ZBTB20: variants seen among roughly 807,000 people sequenced by gnomAD.
The protein encoded by ZBTB20 is zinc finger and BTB domain-containing protein 20.
A neutral mutation model predicts 56.9 loss-of-function variants in ZBTB20; 9 were observed. The ratio of observed to expected loss-of-function variants is 0.16; its 90% CI spans 0.10 to 0.28. The LOEUF (loss-of-function observed/expected upper bound fraction) is 0.28. Among genes scored for constraint, ZBTB20 ranks in the 10% least tolerant of loss-of-function variants. The probability of loss-of-function intolerance (pLI) is 1.00; values close to 1 mark genes in which losing one functional copy is unlikely to be tolerated. For synonymous variants in ZBTB20, 417 were observed against 420.7 expected (o/e 0.99, Z 0.11); for missense variants, 655 against 1,003.0 (o/e 0.65, Z 4.69).
intron 6 of ZBTB20, among the ~76,000 whole-genome samples, chr3:114,641,574 T>C (rs2059563980): frequency 6.6e-6 from 1 of 151,816 alleles, no homozygotes; most frequent in African/African-American, 2.4e-5. Flanking sequence ...AAAGACTAGT[T>C]TGTAAGGCAG....
intron 4 of ZBTB20, among the ~76,000 whole-genome samples, chr3:114,859,146 A>C (rs1366453052): frequency 7.2e-5 from 1 of 13,958 alleles, no homozygotes; most frequent in Non-Finnish European, 2.8e-4. Context: ...ACATGACAAG[A>C]GAATTCTTCC....
At chr3:114,550,881 G>A (rs2050489687) in intron 6 of ZBTB20, among the ~76,000 whole-genome samples, 1 of 152,128 alleles carries the variant, frequency 6.6e-6, no homozygotes, top group Non-Finnish European at 1.5e-5. Flanking sequence ...GTCCCGAGTA[G>A]CTGTGATTAC....
intron 7 of ZBTB20, among the ~76,000 whole-genome samples, chr3:114,477,365 TAAAG>T (rs1390235263): frequency 6.6e-6 from 1 of 151,882 alleles, no homozygotes; most frequent in Non-Finnish European, 1.5e-5. Flanking sequence ...ACTTTATAGA[TAAAG>T]AAACTGATGC....
In ZBTB20 at chr3:114,339,246, T is replaced by C; in HGVS notation, c.1985A>G (p.Tyr662Cys). 6.2e-7 allele frequency: 1 copy of C among 1,614,190 alleles called. No individual in the cohort carries two copies. Among genetic ancestry groups the C allele is most frequent in the Non-Finnish European group, 8.5e-7 (1 of 1,180,024 alleles). Residue 662 changes from tyrosine (Y) to cysteine (C), a missense_variant, in exon 12 of 12, where the codon TAC (tyrosine) becomes TGC (cysteine). Tyr to Cys is a radical substitution (Grantham distance 194). This residue lies in a region of ZBTB20 where 15 missense variants were observed against 35.8 expected (regional missense o/e 0.42). Transcript: ENST00000675478. The surrounding 1 kb of genome is among the most constrained non-coding windows in gnomAD (Gnocchi z 4.2). ...HMRLHRGEKSYECYICKKKFS... is the reference protein window; with the variant it reads ...HMRLHRGEKSCECYICKKKFS... ...CTTCTTTTTGCAGATGTAGCACTCG[T>C]AGGACTTCTCTCCCCGGTGGAGGCG... is the stretch of plus-strand genomic sequence containing the variant.
chr3:114,481,644 G>GT (rs1262092783), intron 7 of ZBTB20, among the ~76,000 whole-genome samples: 2 of 152,154 alleles, frequency 1.3e-5, no homozygotes, highest in Non-Finnish European at 2.9e-5. Flanking sequence ...TAAATAATCT[G>GT]TTTCCTCTCT....
chr3:114,454,090 A>G (rs2091823018), intron 7 of ZBTB20, among the ~76,000 whole-genome samples: 1 of 149,940 alleles, frequency 6.7e-6, no homozygotes, highest in African/African-American at 2.5e-5. Context: ...GGAAAAAAAG[A>G]AGAGAGAGGG....
At chr3:114,366,673 C>T (rs946369285) in intron 10 of ZBTB20, 11 of 152,208 alleles carry the variant, frequency 7.2e-5, no homozygotes, top group African/African-American at 2.7e-4. Context: ...GTTCCATACC[C>T]ATGTGTCTCT....
At chr3:114,968,090 G>C (rs1468080119) in intron 3 of ZBTB20, among the ~76,000 whole-genome samples, 1 of 151,944 alleles carries the variant, frequency 6.6e-6, no homozygotes, top group Non-Finnish European at 1.5e-5. Context: ...AAACACATTT[G>C]AATATAGCAT....
intron 5 of ZBTB20, among the ~76,000 whole-genome samples, chr3:114,765,765 T>C (rs1371556170): frequency 2.0e-5 from 3 of 152,170 alleles, no homozygotes; most frequent in Non-Finnish European, 4.4e-5. Flanking sequence ...ATCAATATGC[T>C]TTTGCAGAAA....
intron 3 of ZBTB20, among the ~76,000 whole-genome samples, chr3:114,917,779 TAC>T (rs2075803023): frequency 6.7e-6 from 1 of 149,134 alleles, no homozygotes; most frequent in South Asian, 2.1e-4. Context: ...AGAGACATAA[TAC>T]AAGTTCCCCT....
chr3:114,929,754 A>G (rs984679672), intron 3 of ZBTB20, among the ~76,000 whole-genome samples: 1 of 152,224 alleles, frequency 6.6e-6, no homozygotes, highest in East Asian at 1.9e-4. Context: ...ATTGGGTGTC[A>G]CTGGTCTTCA....
At chr3:114,437,947 A>G (rs2090626436) in intron 7 of ZBTB20, among the ~76,000 whole-genome samples, 1 of 152,128 alleles carries the variant, frequency 6.6e-6, no homozygotes, top group Admixed American at 6.6e-5. Flanking sequence ...TCCAGGCCTT[A>G]CAATTCTGTA....
At position 114,988,014 on chromosome 3, in the gene ZBTB20, CTTCT is replaced by C. The variant is rs1292464334; in HGVS notation, c.-506-13602_-506-13599del. On this transcript the variant is annotated intron_variant, in intron 2 of 11. Transcript: ENST00000675478. ...TGCCATCTCATCTATTCCCTATCGT[CTTCT>C]TTTTTTTTCTTTTTTTGAAAGAAAC... is the stretch of plus-strand genomic sequence containing the variant. 5.3e-5 allele frequency among the ~76,000 whole-genome samples: 8 copies of C among 149,864 alleles called. No individual in the cohort carries two copies. In the South Asian group the frequency reaches 6.4e-4, roughly 12 times the overall value.
chr3:115,128,452 T>C (rs2084397777), intron 1 of ZBTB20, among the ~76,000 whole-genome samples: 1 of 151,522 alleles, frequency 6.6e-6, no homozygotes, highest in African/African-American at 2.4e-5. Context: ...TCTTCTGAGG[T>C]CAGGAGTTCA....
rs150977275 is a variant in ZBTB20, at chr3:114,890,325, C to T, written c.-417+9979G>A. On this transcript the variant is annotated intron_variant, in intron 4 of 11. Coordinates refer to ENST00000675478, the MANE Select transcript of ZBTB20 (RefSeq NM_001348800.3). ...TTTGAGTTCCCCTATATTCCTCATA[C>T]AGAATCTTGGCAGTGATAATCTGCA... 4.8e-3 allele frequency among the ~76,000 whole-genome samples: 734 copies of T among 152,234 alleles called. 17 individuals carry two copies. The South Asian group carries it at 0.056, about 12-fold the overall frequency.
At chr3:114,416,689 T>C (rs2088596705) in intron 7 of ZBTB20, among the ~76,000 whole-genome samples, 1 of 152,058 alleles carries the variant, frequency 6.6e-6, no homozygotes, top group Non-Finnish European at 1.5e-5. Context: ...CATGGGCAGC[T>C]GTCCTTACTG....
chr3:115,098,345 A>C (rs2083453785), intron 1 of ZBTB20, among the ~76,000 whole-genome samples: 2 of 152,332 alleles, frequency 1.3e-5, no homozygotes, highest in Admixed American at 6.5e-5. Flanking sequence ...AGAAAATGAC[A>C]GGTGCATGAG....
chr3:114,635,061 C>A (rs1193800702), intron 6 of ZBTB20, among the ~76,000 whole-genome samples: 2 of 152,206 alleles, frequency 1.3e-5, no homozygotes, highest in African/African-American at 4.8e-5. Flanking sequence ...AGAGTTCCCT[C>A]TGTGAAGCCA....
chr3:114,351,627 C>T lies in ZBTB20; in HGVS notation c.451G>A (p.Val151Met). 1 of 1,614,072 alleles carries T rather than the reference C, an allele frequency of 6.2e-7. No homozygotes were observed. The highest frequency in any genetic ancestry group is 8.5e-7 in the Non-Finnish European group (1 of 1,180,020). ...TACATGAAGTCAATGAGCTTTTGCA[C>T]TGACTGCACTGACACCACCGACGGG... The part of the protein sequence containing the change: ...EIPSVVSVQS[V>M]QKLIDFMYSG... Residue 151 changes from valine to methionine, a missense_variant, in exon 11 of 12, where the codon GTG becomes ATG. Physicochemically the swap from Val to Met is conservative, Grantham distance 21 (BLOSUM62 1). Around this residue, in one of 10 missense-constraint regions of ZBTB20, gnomAD observed 167 missense variants for 281.9 expected, o/e 0.59. Transcript: ENST00000675478.
Sources: gnomAD v4.1 joint callset for allele counts (sites outside exome capture counted in the v4.1 genomes callset) on GRCh38, gnomAD v4.1.1 for gene constraint, gnomAD v4.1.1 regional missense constraint, Gnocchi (gnomAD v3.1) non-coding constraint, MANE v1.5 for transcripts, NCBI Gene and HGNC (gene_info 2026-07-23, HGNC 2026-07-21) for gene names.